The following SHISA6 variants were observed in gnomAD, a reference collection of about 807,000 sequenced individuals.
SHISA6 encodes the protein protein shisa-6.
Under a neutral mutation model 47.9 loss-of-function variants are expected in SHISA6, and 22 were observed. The observed-to-expected ratio is 0.46, with a 90% CI of 0.33 to 0.66. The LOEUF is 0.66. Ranked by LOEUF, SHISA6 falls within the 30% of genes least tolerant of loss-of-function variation. The pLI, the probability that SHISA6 is intolerant of heterozygous loss-of-function variation, is 0.02. For synonymous variants in SHISA6, 388 were observed against 337.8 expected (o/e 1.15, Z -1.63); for missense variants, 680 against 764.6 (o/e 0.89, Z 1.30).
At chr17:11,475,738 A>T in intron 3 of SHISA6, among the ~76,000 whole-genome samples, 1 of 151,684 alleles carries the variant, frequency 6.6e-6, no homozygotes, top group East Asian at 1.9e-4. Context: ...ATTGGTCTTT[A>T]ATTTTCTTAT....
At chr17:11,410,446 A>G (rs766018816) in intron 3 of SHISA6, among the ~76,000 whole-genome samples, 1 of 152,234 alleles carries the variant, frequency 6.6e-6, no homozygotes, top group Non-Finnish European at 1.5e-5. Flanking sequence ...GACTTACCCA[A>G]ATATGCACAG....
intron 3 of SHISA6, among the ~76,000 whole-genome samples, chr17:11,442,645 A>T (rs1407310286): frequency 6.6e-6 from 1 of 152,172 alleles, no homozygotes; most frequent in Non-Finnish European, 1.5e-5. Flanking sequence ...CACAGTAAAG[A>T]CTCAGCACTG....
chr17:11,421,047 C>T (rs1914440671), intron 3 of SHISA6, among the ~76,000 whole-genome samples: 1 of 152,132 alleles, frequency 6.6e-6, no homozygotes. Flanking sequence ...TCTCCTCATC[C>T]CAGTCTCCTA....
intron 2 of SHISA6, among the ~76,000 whole-genome samples, chr17:11,311,567 C>T (rs1910342810): frequency 6.6e-6 from 1 of 152,082 alleles, no homozygotes; most frequent in African/African-American, 2.4e-5. Flanking sequence ...GCTTCAAAAC[C>T]TCTTTTGTGG....
intron 3 of SHISA6, among the ~76,000 whole-genome samples, chr17:11,431,611 C>T (rs556966234): frequency 2.0e-5 from 3 of 152,232 alleles, no homozygotes; most frequent in South Asian, 2.1e-4. Context: ...TTCAAACTTC[C>T]AGCATGTGAA....
intron 3 of SHISA6, among the ~76,000 whole-genome samples, chr17:11,481,424 G>T (rs569719151): frequency 6.7e-6 from 1 of 148,772 alleles, no homozygotes; most frequent in Admixed American, 6.7e-5. Flanking sequence ...GCATTTATTT[G>T]AAGTAGAAGA....
chr17:11,548,659 C>A (rs1482869292), intron 3 of SHISA6, among the ~76,000 whole-genome samples: 1 of 152,056 alleles, frequency 6.6e-6, no homozygotes, highest in Non-Finnish European at 1.5e-5. Flanking sequence ...GGAAATGAGA[C>A]ATCGCTAAAG....
chr17:11,368,125 C>T (rs1912514521), intron 2 of SHISA6, among the ~76,000 whole-genome samples: 1 of 152,200 alleles, frequency 6.6e-6, no homozygotes, highest in African/African-American at 2.4e-5. Flanking sequence ...TTGGACAATA[C>T]AGTACAAGAC....
chr17:11,546,199 C>G (rs949067369), intron 3 of SHISA6, among the ~76,000 whole-genome samples: 1 of 152,158 alleles, frequency 6.6e-6, no homozygotes, highest in African/African-American at 2.4e-5. Flanking sequence ...TACAGTCATA[C>G]AGAGACACCA....
rs6502146 is a variant in SHISA6 at position 11,417,452 on chromosome 17, G to C, written c.895+37943G>C. Among the ~76,000 whole-genome samples, 1,004 of 152,280 alleles carry C rather than the reference G, an allele frequency of 6.6e-3. 13 individuals carry two copies. Among genetic ancestry groups the C allele is most frequent in the African/African-American group, 0.023 (941 of 41,546 alleles). On this transcript the variant is annotated intron_variant, in intron 3 of 5. Transcript: ENST00000441885. ...TTACCACCCGATAACCAGCTAGATG[G>C]TGTTTTGTATGGGGAGCACGTGGCC...
intron 2 of SHISA6, among the ~76,000 whole-genome samples, chr17:11,341,574 A>T (rs1911531052): frequency 6.6e-6 from 1 of 151,708 alleles, no homozygotes. Context: ...GCCTCAAGTG[A>T]TCTCCCGCCT....
intron 3 of SHISA6, among the ~76,000 whole-genome samples, chr17:11,403,866 G>C (rs1474098506): frequency 6.6e-6 from 1 of 152,160 alleles, no homozygotes; most frequent in Non-Finnish European, 1.5e-5. Flanking sequence ...GTTCCTCAGA[G>C]ACCTCCTGCC....
At chr17:11,487,348 T>G (rs915806891) in intron 3 of SHISA6, among the ~76,000 whole-genome samples, 6 of 152,182 alleles carry the variant, frequency 3.9e-5, no homozygotes, top group Non-Finnish European at 8.8e-5. Context: ...AAAGTTAGGG[T>G]GGAAAGTATA....
intron 2 of SHISA6, among the ~76,000 whole-genome samples, chr17:11,362,287 G>A (rs575084534): frequency 3.3e-5 from 5 of 152,158 alleles, no homozygotes; most frequent in Admixed American, 1.3e-4. Context: ...CTACAGGCAC[G>A]TATCACAACA....
chr17:11,475,988 G>A (rs974866956), intron 3 of SHISA6, among the ~76,000 whole-genome samples: 4 of 151,984 alleles, frequency 2.6e-5, no homozygotes, highest in Non-Finnish European at 4.4e-5. Flanking sequence ...TACAGATTGT[G>A]TATTTCCTCT....
chr17:11,533,592 T>TA (rs1482787318), intron 3 of SHISA6, among the ~76,000 whole-genome samples: 1 of 127,772 alleles, frequency 7.8e-6, no homozygotes, highest in Non-Finnish European at 1.6e-5. Context: ...TCATTATTTT[T>TA]TTTTTTTTTT....
At chr17:11,524,433 G>A (rs916791978) in intron 3 of SHISA6, among the ~76,000 whole-genome samples, 5 of 152,022 alleles carry the variant, frequency 3.3e-5, no homozygotes, top group Middle Eastern at 3.4e-3. Context: ...TATTTATCTA[G>A]GTAGTGGGCT....
At chr17:11,441,739 G>A (rs1343771016) in intron 3 of SHISA6, among the ~76,000 whole-genome samples, 1 of 152,146 alleles carries the variant, frequency 6.6e-6, no homozygotes, top group Admixed American at 6.5e-5. Flanking sequence ...GCATTAAGTT[G>A]AGGAATATCC....
intron 1 of SHISA6, among the ~76,000 whole-genome samples, chr17:11,248,068 C>A (rs112529715): frequency 7.9e-5 from 12 of 152,152 alleles, no homozygotes; most frequent in African/African-American, 2.9e-4. Flanking sequence ...GACACGGAGC[C>A]TGGCCTCTAG....
Sources: gnomAD v4.1 joint callset for allele counts (sites outside exome capture counted in the v4.1 genomes callset) on GRCh38, gnomAD v4.1.1 for gene constraint, MANE v1.5 for transcripts, NCBI Gene and HGNC (gene_info 2026-07-23, HGNC 2026-07-21) for gene names.